SFMBT2: variants seen among roughly 807,000 people sequenced by gnomAD.
The protein encoded by SFMBT2 is scm-like with four MBT domains protein 2.
In SFMBT2, 38 loss-of-function variants were observed where a neutral mutation model predicts 110.1. That is an observed-to-expected ratio of 0.35 (90% CI 0.27 to 0.45). The LOEUF (loss-of-function observed/expected upper bound fraction) is 0.45. Ranked by LOEUF, SFMBT2 falls within the 20% of genes least tolerant of loss-of-function variation. The pLI, the probability that SFMBT2 is intolerant of heterozygous loss-of-function variation, is 1.00. For missense variants in SFMBT2, 1,011 were observed against 1,094.9 expected (o/e 0.92, Z 1.08); for synonymous variants, 425 against 425.4 (o/e 1.00, Z 0.01).
At chr10:7,265,347 G>A (rs937803015) in intron 7 of SFMBT2, among the ~76,000 whole-genome samples, 16 of 151,942 alleles carry the variant, frequency 1.1e-4, no homozygotes, top group Admixed American at 2.6e-4. Flanking sequence ...GATAACATGC[G>A]CATGCCACCA....
chr10:7,187,913 T>C (rs1305388837), intron 16 of SFMBT2, among the ~76,000 whole-genome samples: 4 of 152,318 alleles, frequency 2.6e-5, no homozygotes, highest in African/African-American at 9.6e-5. Context: ...TTGAAACCCA[T>C]AGATGAATAT....
intron 1 of SFMBT2, among the ~76,000 whole-genome samples, chr10:7,385,416 A>G (rs918286618): frequency 2.6e-5 from 4 of 152,144 alleles, no homozygotes; most frequent in Non-Finnish European, 4.4e-5. Flanking sequence ...CAGGGAAAAT[A>G]CCGGGAATGT....
In SFMBT2 at chr10:7,282,440, T is replaced by C. The variant is rs1250260321; in HGVS notation, c.772+1464A>G. ...AAAGCAATTAGATACTAAGCAGAGATGTATACACACAACTTTACGCACAAA... is the reference window on the plus strand; with the variant it reads ...AAAGCAATTAGATACTAAGCAGAGACGTATACACACAACTTTACGCACAAA... On this transcript the variant is annotated intron_variant, in intron 6 of 20. Transcript: ENST00000397167. 2.6e-5 allele frequency among the ~76,000 whole-genome samples: 4 copies of C among 152,228 alleles called. No individual in the cohort carries two copies. The East Asian group carries it at 5.8e-4, about 22-fold the overall frequency.
At chr10:7,230,302 C>T (rs1201287148) in intron 9 of SFMBT2, among the ~76,000 whole-genome samples, 1 of 152,168 alleles carries the variant, frequency 6.6e-6, no homozygotes, top group African/African-American at 2.4e-5. Flanking sequence ...GATTTCTAGA[C>T]AGGACCAGAG....
At chr10:7,174,943 C>A (rs1018461310) in intron 17 of SFMBT2, among the ~76,000 whole-genome samples, 1 of 151,182 alleles carries the variant, frequency 6.6e-6, no homozygotes, top group Non-Finnish European at 1.5e-5. Context: ...CAAGGGGACT[C>A]TGTGTGTGTG....
At chr10:7,338,363 T>C (rs955433833) in intron 4 of SFMBT2, among the ~76,000 whole-genome samples, 8 of 152,180 alleles carry the variant, frequency 5.3e-5, no homozygotes, top group Admixed American at 1.3e-4. Context: ...CATATAAATT[T>C]TGACTCCCCC....
intron 11 of SFMBT2, chr10:7,207,070 A>G: frequency 8.8e-6 from 2 of 226,200 alleles, no homozygotes; most frequent in Non-Finnish European, 1.5e-5. Flanking sequence ...TACAAAAAAT[A>G]CAAAATTAGC....
chr10:7,198,283 A>C, intron 14 of SFMBT2: 1 of 323,474 alleles, frequency 3.1e-6, no homozygotes, highest in Non-Finnish European at 4.4e-6. Context: ...TTAATGTAGC[A>C]TCATTTAGCT....
intron 4 of SFMBT2, among the ~76,000 whole-genome samples, chr10:7,307,909 T>A (rs921651959): frequency 6.6e-6 from 1 of 152,236 alleles, no homozygotes; most frequent in African/African-American, 2.4e-5. Flanking sequence ...GAATTTCTGC[T>A]ATAATATCAC....
At chr10:7,351,644 T>TA (rs1336370009) in intron 4 of SFMBT2, among the ~76,000 whole-genome samples, 1 of 152,144 alleles carries the variant, frequency 6.6e-6, no homozygotes, top group Non-Finnish European at 1.5e-5. Context: ...ACATAAACAA[T>TA]TATATAGCAC....
chr10:7,165,167 A>G (rs901636541), intron 20 of SFMBT2, among the ~76,000 whole-genome samples: 5 of 152,190 alleles, frequency 3.3e-5, no homozygotes, highest in African/African-American at 1.2e-4. Context: ...AATGATGATC[A>G]GTGGTACCGT....
At chr10:7,333,559 AT>A (rs921979969) in intron 4 of SFMBT2, among the ~76,000 whole-genome samples, 262 of 144,798 alleles carry the variant, frequency 1.8e-3, no homozygotes, top group Non-Finnish European at 1.6e-3. Flanking sequence ...TGCCTAGCTA[AT>A]TTTTTTTTTT....
chr10:7,363,576 G>A (rs1391028039), intron 4 of SFMBT2, among the ~76,000 whole-genome samples: 2 of 152,166 alleles, frequency 1.3e-5, no homozygotes, highest in Non-Finnish European at 1.5e-5. Flanking sequence ...TCGAACGCCT[G>A]ACCTCGTGAT....
At chr10:7,175,570 C>T (rs1773582703) in intron 17 of SFMBT2, among the ~76,000 whole-genome samples, 1 of 152,094 alleles carries the variant, frequency 6.6e-6, no homozygotes, top group Non-Finnish European at 1.5e-5. Context: ...AGGATGTGGC[C>T]CCCGTATCAA....
rs117048659 is a variant in SFMBT2, at chr10:7,342,356, C to T, written c.436+25293G>A. On this transcript the variant is annotated intron_variant, in intron 4 of 20. Transcript: ENST00000397167. ...AACCAGAATATCCTTCTAGAAGGGA[C>T]GGAGAGCCTACAGAATTTAGGAATT... is the stretch of plus-strand genomic sequence containing the variant. Among the ~76,000 whole-genome samples the T allele has an allele frequency of 2.1e-3, 305 of 142,230 alleles. 6 individuals are homozygous for T. In the East Asian group the frequency reaches 0.058, roughly 27 times the overall value. 93.3% of individuals were successfully genotyped at this position (142,230 alleles called of 152,430 possible).
At chr10:7,308,290 G>A (rs1842752847) in intron 4 of SFMBT2, among the ~76,000 whole-genome samples, 1 of 152,262 alleles carries the variant, frequency 6.6e-6, no homozygotes, top group Middle Eastern at 3.4e-3. Flanking sequence ...AGCCCAGGAA[G>A]TAGAGGCTGC....
Position 7,345,582 on chromosome 10 carries a change from C to G in SFMBT2, c.436+22067G>C, listed in dbSNP as rs150454531. On this transcript the variant is annotated intron_variant, in intron 4 of 20. Transcript: ENST00000397167. ...CCATGTTGGTCAGGCTGGTCTCGAA[C>G]TCCTGACCTCGTGATCTACCCACCT... 1.7e-3 allele frequency among the ~76,000 whole-genome samples: 257 copies of G among 152,334 alleles called. 2 individuals are homozygous for G. Among genetic ancestry groups the G allele is most frequent in the African/African-American group, 5.9e-3 (247 of 41,574 alleles).
intron 7 of SFMBT2, among the ~76,000 whole-genome samples, chr10:7,259,858 A>C (rs11255062): frequency 0.54 from 81,575 of 151,614 alleles, 23,115 homozygotes; most frequent in East Asian, 0.84. Context: ...CTCAGCAAGA[A>C]CTGGAAATTC....
chr10:7,240,725 A>G (rs977928675), intron 9 of SFMBT2, among the ~76,000 whole-genome samples: 1 of 152,138 alleles, frequency 6.6e-6, no homozygotes, highest in Non-Finnish European at 1.5e-5. Context: ...CACCACTTCA[A>G]TAGGATTTCT....
Sources: allele counts gnomAD v4.1 joint callset (sites outside exome capture counted in the v4.1 genomes callset), GRCh38; gene constraint gnomAD v4.1.1; transcripts MANE v1.5; gene names NCBI Gene and HGNC (gene_info 2026-07-23, HGNC 2026-07-21).